The following WDR7 variants were observed in gnomAD, a reference collection of about 807,000 sequenced individuals.
WDR7 encodes the protein WD repeat-containing protein 7.
A neutral mutation model predicts 169.4 loss-of-function variants in WDR7; 46 were observed. That is an observed-to-expected ratio of 0.27 (90% CI 0.21 to 0.35). The LOEUF (loss-of-function observed/expected upper bound fraction) is 0.35. Among genes scored for constraint, WDR7 ranks in the 10% least tolerant of loss-of-function variants. WDR7 has a pLI of 1.00. For synonymous variants in WDR7, 612 were observed against 666.8 expected (o/e 0.92, Z 1.27); for missense variants, 1,534 against 1,859.3 (o/e 0.83, Z 3.22).
chr18:56,761,403 G>A (rs1344856671), intron 16 of WDR7, among the ~76,000 whole-genome samples: 1 of 152,114 alleles, frequency 6.6e-6, no homozygotes, highest in African/African-American at 2.4e-5. Flanking sequence ...CTGTTGCTCT[G>A]TAATGAGACT....
At chr18:57,017,543 TC>T (rs1279310482) in intron 26 of WDR7, among the ~76,000 whole-genome samples, 23 of 146,218 alleles carry the variant, frequency 1.6e-4, no homozygotes, top group Non-Finnish European at 1.2e-4. Flanking sequence ...CAAGATGTAG[TC>T]CCCCTTTGTC....
At chr18:56,989,453 GTC>G (rs1289961199) in intron 26 of WDR7, among the ~76,000 whole-genome samples, 1 of 152,136 alleles carries the variant, frequency 6.6e-6, no homozygotes, top group Non-Finnish European at 1.5e-5. Flanking sequence ...AACTGGAAGA[GTC>G]TGTTCATTTT....
chr18:56,809,516 ATAAT>A (rs1458278826), intron 19 of WDR7, among the ~76,000 whole-genome samples: 1 of 152,166 alleles, frequency 6.6e-6, no homozygotes, highest in Non-Finnish European at 1.5e-5. Context: ...ATATCACCAT[ATAAT>A]TAATTGACAA....
At chr18:57,008,195 C>T (rs2048092548) in intron 26 of WDR7, among the ~76,000 whole-genome samples, 1 of 152,136 alleles carries the variant, frequency 6.6e-6, no homozygotes, top group Non-Finnish European at 1.5e-5. Context: ...ACCACCAGCC[C>T]CGCTTGCCCT....
chr18:56,668,824 A>G (rs1021081873), intron 1 of WDR7, among the ~76,000 whole-genome samples: 1 of 152,154 alleles, frequency 6.6e-6, no homozygotes, highest in Non-Finnish European at 1.5e-5. Flanking sequence ...GGAAAGTCCA[A>G]CCTTATTGAA....
chr18:56,925,364 G>A (rs1267380342), intron 22 of WDR7, among the ~76,000 whole-genome samples: 1 of 152,142 alleles, frequency 6.6e-6, no homozygotes, highest in East Asian at 1.9e-4. Flanking sequence ...CCCACCAGCA[G>A]TGCACAACAG....
intron 21 of WDR7, among the ~76,000 whole-genome samples, chr18:56,892,285 C>T (rs1426628366): frequency 1.3e-5 from 2 of 152,118 alleles, no homozygotes; most frequent in African/African-American, 4.8e-5. Context: ...ACTTGCCTAT[C>T]TCACTTTAAT....
chr18:56,769,435 G>C (rs1345488866), intron 16 of WDR7, among the ~76,000 whole-genome samples: 1 of 152,190 alleles, frequency 6.6e-6, no homozygotes, highest in African/African-American at 2.4e-5. Flanking sequence ...CTGGGCTCAA[G>C]TGATCCTCCC....
intron 20 of WDR7, among the ~76,000 whole-genome samples, chr18:56,848,312 C>T (rs2045595606): frequency 6.6e-6 from 1 of 152,198 alleles, no homozygotes; most frequent in Admixed American, 6.5e-5. Context: ...GAATGTTTAC[C>T]TTATGCCTGT....
intron 14 of WDR7, among the ~76,000 whole-genome samples, chr18:56,751,897 G>A (rs1224963032): frequency 6.6e-6 from 1 of 152,180 alleles, no homozygotes; most frequent in African/African-American, 2.4e-5. Context: ...TTTTCTACAT[G>A]CTCAGTGCTA....
chr18:56,674,829 T>A (rs1425385291), intron 2 of WDR7, among the ~76,000 whole-genome samples: 1 of 152,220 alleles, frequency 6.6e-6, no homozygotes, highest in East Asian at 1.9e-4. Flanking sequence ...AGGTCTTCGA[T>A]CCATATTAGT....
chr18:56,979,458 A>G (rs1027285050), intron 26 of WDR7, among the ~76,000 whole-genome samples: 3 of 152,184 alleles, frequency 2.0e-5, no homozygotes, highest in African/African-American at 7.2e-5. Context: ...CAGTTCTTCA[A>G]ATTACAACAG....
chr18:56,859,868 C>T (rs2045778083), intron 20 of WDR7, among the ~76,000 whole-genome samples: 1 of 152,138 alleles, frequency 6.6e-6, no homozygotes, highest in African/African-American at 2.4e-5. Context: ...CATCTGCTTC[C>T]TTCCTGTGTT....
intron 1 of WDR7, among the ~76,000 whole-genome samples, chr18:56,672,012 A>G (rs1234871952): frequency 6.6e-6 from 1 of 152,190 alleles, no homozygotes; most frequent in East Asian, 1.9e-4. Context: ...TGGGATCTGA[A>G]GGTCAAGATT....
At chr18:56,763,446 A>G (rs937969330) in intron 16 of WDR7, among the ~76,000 whole-genome samples, 2 of 152,236 alleles carry the variant, frequency 1.3e-5, no homozygotes, top group African/African-American at 2.4e-5. Context: ...CTTGCAATAT[A>G]GACCACATTT....
At chr18:56,837,732 C>A (rs1012821816) in intron 20 of WDR7, among the ~76,000 whole-genome samples, 1 of 152,100 alleles carries the variant, frequency 6.6e-6, no homozygotes, top group Non-Finnish European at 1.5e-5. Context: ...GTGATCTCGG[C>A]TTACTGCAAC....
At chr18:56,925,804 G>GC (rs1568270099) in intron 22 of WDR7, among the ~76,000 whole-genome samples, 1 of 152,078 alleles carries the variant, frequency 6.6e-6, no homozygotes, top group Non-Finnish European at 1.5e-5. Context: ...GCTGCTGCCT[G>GC]CCCCCCAGTT....
chr18:56,961,544 A>G (rs2047339864), intron 25 of WDR7, among the ~76,000 whole-genome samples: 2 of 152,150 alleles, frequency 1.3e-5, no homozygotes, highest in African/African-American at 4.8e-5. Flanking sequence ...CTATTCGCAG[A>G]TATAAAATTA....
intron 16 of WDR7, among the ~76,000 whole-genome samples, chr18:56,763,489 A>C (rs796066478): frequency 2.3e-4 from 35 of 152,340 alleles, no homozygotes; most frequent in African/African-American, 7.9e-4. Flanking sequence ...GTTAGGTACA[A>C]TTTGCTAAAA....
Sources: allele counts gnomAD v4.1 joint callset (sites outside exome capture counted in the v4.1 genomes callset), GRCh38; gene constraint gnomAD v4.1.1; transcripts MANE v1.5; gene names NCBI Gene and HGNC (gene_info 2026-07-23, HGNC 2026-07-21).